Variants in GRM8 observed in about 807,000 individuals in gnomAD.
GRM8 encodes the protein metabotropic glutamate receptor 8.
GRM8 carries 47 observed loss-of-function variants against 87.2 expected under a neutral mutation model. The ratio of observed to expected loss-of-function variants is 0.54; its 90% CI spans 0.43 to 0.69. The LOEUF is 0.69. Among genes scored for constraint, GRM8 ranks in the 30% least tolerant of loss-of-function variants. The pLI, the probability that GRM8 is intolerant of heterozygous loss-of-function variation, is 0.00. For synonymous variants in GRM8, 396 were observed against 404.5 expected, an observed-to-expected ratio of 0.98 and a Z score of 0.25; for missense variants, 1,019 against 1,139.2, an observed-to-expected ratio of 0.89 and a Z score of 1.52.
intron 2 of GRM8, among the ~76,000 whole-genome samples, chr7:127,218,579 G>A (rs888435602): frequency 1.3e-5 from 2 of 152,236 alleles, no homozygotes; most frequent in African/African-American, 4.8e-5. Context: ...ATGCTGAGAA[G>A]GGAACCTGGT....
At chr7:127,190,791 T>G (rs1198708765) in intron 2 of GRM8, among the ~76,000 whole-genome samples, 1 of 152,194 alleles carries the variant, frequency 6.6e-6, no homozygotes, top group African/African-American at 2.4e-5. Context: ...AATATCTAGC[T>G]CAGACATTAT....
chr7:126,466,200 G>T (rs1018619203), intron 9 of GRM8, among the ~76,000 whole-genome samples: 6 of 151,708 alleles, frequency 4.0e-5, no homozygotes, highest in Admixed American at 1.3e-4. Flanking sequence ...TTGTTCTAAA[G>T]AATGTAATGG....
intron 9 of GRM8, among the ~76,000 whole-genome samples, chr7:126,452,425 A>C (rs1007951328): frequency 9.1e-6 from 1 of 110,018 alleles, no homozygotes; most frequent in Non-Finnish European, 2.0e-5. Flanking sequence ...GTAAAACTTA[A>C]AGTATAATAA....
At chr7:126,830,331 C>T (rs1382799014) in intron 6 of GRM8, among the ~76,000 whole-genome samples, 5 of 152,248 alleles carry the variant, frequency 3.3e-5, no homozygotes, top group Non-Finnish European at 2.9e-5. Flanking sequence ...CTGTCACTTT[C>T]AGGTCCACCA....
At chr7:126,480,905 G>A (rs1806594642) in intron 9 of GRM8, among the ~76,000 whole-genome samples, 1 of 151,944 alleles carries the variant, frequency 6.6e-6, no homozygotes, top group Non-Finnish European at 1.5e-5. Flanking sequence ...AGAAGACATC[G>A]ATCCCAGGGT....
chr7:126,557,423 CA>C (rs1793271594), intron 8 of GRM8, among the ~76,000 whole-genome samples: 1 of 152,178 alleles, frequency 6.6e-6, no homozygotes, highest in African/African-American at 2.4e-5. Context: ...CACACCAGCA[CA>C]GGGCACTTCT....
At chr7:126,755,437 G>A (rs1017503175) in intron 7 of GRM8, among the ~76,000 whole-genome samples, 3 of 151,894 alleles carry the variant, frequency 2.0e-5, no homozygotes, top group Admixed American at 1.3e-4. Flanking sequence ...GACGGCTGAT[G>A]TCATTTCAGA....
intron 3 of GRM8, among the ~76,000 whole-genome samples, chr7:127,044,126 G>A (rs1351241720): frequency 6.6e-6 from 1 of 152,204 alleles, no homozygotes; most frequent in Non-Finnish European, 1.5e-5. Context: ...ACCTGTGGAG[G>A]GGAAGCTCAG....
At chr7:126,706,940 C>T (rs1430539219) in intron 7 of GRM8, among the ~76,000 whole-genome samples, 1 of 152,102 alleles carries the variant, frequency 6.6e-6, no homozygotes, top group Non-Finnish European at 1.5e-5. Flanking sequence ...GTCCTTTTTA[C>T]CTCATGCCTA....
At chr7:127,047,771 A>G (rs1563450718) in intron 3 of GRM8, among the ~76,000 whole-genome samples, 1 of 152,238 alleles carries the variant, frequency 6.6e-6, no homozygotes, top group South Asian at 2.1e-4. Context: ...GTTGAGGTTA[A>G]GGCTGTAGTG....
intron 3 of GRM8, among the ~76,000 whole-genome samples, chr7:126,967,825 G>A (rs922829382): frequency 2.5e-4 from 38 of 152,132 alleles, no homozygotes; most frequent in Admixed American, 9.8e-4. Context: ...AATAGTCCTC[G>A]CTTCAAACAG....
chr7:127,201,143 C>G (rs1795564363), intron 2 of GRM8, among the ~76,000 whole-genome samples: 1 of 152,186 alleles, frequency 6.6e-6, no homozygotes. Flanking sequence ...GGCAGGGTGA[C>G]TGGTCTCTTT....
chr7:126,517,336 C>T (rs985717817), intron 9 of GRM8, among the ~76,000 whole-genome samples: 1 of 152,094 alleles, frequency 6.6e-6, no homozygotes, highest in Middle Eastern at 3.4e-3. Context: ...TACCAACAAA[C>T]GAGTAAGAAG....
At chr7:126,878,956 A>G (rs1269313327) in intron 6 of GRM8, among the ~76,000 whole-genome samples, 2 of 150,634 alleles carry the variant, frequency 1.3e-5, no homozygotes, top group Admixed American at 1.3e-4. Context: ...TGAGGTCAGG[A>G]GTTCGAGACC....
chr7:127,136,805 G>A (rs187916228), intron 2 of GRM8, among the ~76,000 whole-genome samples: 1 of 151,856 alleles, frequency 6.6e-6, no homozygotes, highest in East Asian at 2.0e-4. Context: ...TTCTTTTTCT[G>A]AGAGGAATGT....
intron 6 of GRM8, among the ~76,000 whole-genome samples, chr7:126,880,911 G>A (rs1321017304): frequency 1.3e-5 from 2 of 152,144 alleles, no homozygotes; most frequent in Admixed American, 6.5e-5. Context: ...TGGTCTATAA[G>A]ACTCTTAAAG....
At chr7:126,552,431 A>C (rs1361390897) in intron 8 of GRM8, among the ~76,000 whole-genome samples, 1 of 152,128 alleles carries the variant, frequency 6.6e-6, no homozygotes, top group African/African-American at 2.4e-5. Flanking sequence ...TCCAACTTTC[A>C]ATTTTTGTAA....
chr7:126,785,560 T>C (rs904273495), intron 6 of GRM8, among the ~76,000 whole-genome samples: 1 of 152,128 alleles, frequency 6.6e-6, no homozygotes, highest in African/African-American at 2.4e-5. Flanking sequence ...TAGGCAAATG[T>C]ACAGTATGGT....
chr7:127,162,825 G>A (rs767570835), intron 2 of GRM8, among the ~76,000 whole-genome samples: 1 of 152,140 alleles, frequency 6.6e-6, no homozygotes, highest in Non-Finnish European at 1.5e-5. Flanking sequence ...CAATGTCTGA[G>A]GCTAGCATAT....
Sources: allele counts gnomAD v4.1 joint callset (sites outside exome capture counted in the v4.1 genomes callset), GRCh38; gene constraint gnomAD v4.1.1; transcripts MANE v1.5; gene names NCBI Gene and HGNC (gene_info 2026-07-23, HGNC 2026-07-21).